Variants in SLCO2A1 observed in about 807,000 individuals in gnomAD.
SLCO2A1 encodes matrin F/G 1.
Under a neutral mutation model 71.7 loss-of-function variants are expected in SLCO2A1, and 60 were observed. The ratio of observed to expected loss-of-function variants is 0.84; its 90% CI spans 0.68 to 1.04. The LOEUF (loss-of-function observed/expected upper bound fraction) is 1.04, where lower values mean the gene tolerates loss of function less well. Ranked by LOEUF, SLCO2A1 falls within the 50% of genes least tolerant of loss-of-function variation. The pLI is 0.00. For missense variants in SLCO2A1, 745 were observed against 813.4 expected (o/e 0.92, Z 1.02); for synonymous variants, 308 against 326.7 (o/e 0.94, Z 0.62).
chr3:133,996,774 G>A (rs1482952773), intron 1 of SLCO2A1, among the ~76,000 whole-genome samples: 10 of 152,154 alleles, frequency 6.6e-5, no homozygotes, highest in Non-Finnish European at 1.5e-4. Context: ...TTGGCAGCCA[G>A]GATAAAGTGG....
chr3:133,951,059 C>G (rs1188178848), intron 6 of SLCO2A1, 149 bp downstream of exon 6: 1 of 1,032,542 alleles, frequency 9.7e-7, no homozygotes, highest in Non-Finnish European at 1.5e-6. Flanking sequence ...CCTCTTAAAG[C>G]CTCTGGGAAG....
At chr3:133,939,748 A>G (rs1933367173) in intron 11 of SLCO2A1, among the ~76,000 whole-genome samples, 1 of 152,146 alleles carries the variant, frequency 6.6e-6, no homozygotes, top group Non-Finnish European at 1.5e-5. Context: ...TAGATTCTCA[A>G]TGAAACGGGA....
intron 12 of SLCO2A1, 92 bp downstream of exon 12, chr3:133,938,336 TG>T: frequency 1.9e-6 from 2 of 1,059,968 alleles, no homozygotes; most frequent in Non-Finnish European, 2.9e-6. Flanking sequence ...GGAGATGAGA[TG>T]GTGCTTCCTC....
rs1454440006 is a variant in SLCO2A1, at chr3:133,953,690, A to G, written c.697T>C (p.Phe233Leu). The G allele has an allele frequency of 4.3e-5, 69 of 1,614,052 alleles. No individual in the cohort carries two copies. The highest frequency in any genetic ancestry group is 5.7e-5 in the Non-Finnish European group (67 of 1,180,032). ...GTGTTGACCCTGCCATAGTCCACAA[A>G]GATCTGCAGCATGACAGAGCCCAGC... ...YLLGSVMLQI[F>L]VDYGRVNTAA... Residue 233 changes from phenylalanine (F) to leucine (L), a missense_variant, in exon 5 of 14, where the codon TTT (phenylalanine) becomes CTT (leucine). Phe to Leu is a conservative substitution (Grantham distance 22). Coordinates refer to ENST00000310926, the MANE Select transcript of SLCO2A1 (RefSeq NM_005630.3).
At chr3:134,028,520 G>A (rs1466190035) in intron 1 of SLCO2A1, among the ~76,000 whole-genome samples, 1 of 152,198 alleles carries the variant, frequency 6.6e-6, no homozygotes, top group Admixed American at 6.5e-5. Flanking sequence ...GCAGAAGCAG[G>A]AGTGGAGATC....
At chr3:134,026,667 A>T (rs1431591715) in intron 1 of SLCO2A1, among the ~76,000 whole-genome samples, 2 of 152,192 alleles carry the variant, frequency 1.3e-5, no homozygotes, top group African/African-American at 4.8e-5. Context: ...ATCACTAATA[A>T]AACCGGCAGA....
intron 2 of SLCO2A1, among the ~76,000 whole-genome samples, chr3:133,979,112 T>C (rs933179812): frequency 1.3e-5 from 2 of 152,128 alleles, no homozygotes; most frequent in Non-Finnish European, 2.9e-5. Flanking sequence ...AGAACTAAAT[T>C]AGAAGCACAG....
chr3:133,945,075 T>C lies in SLCO2A1; in HGVS notation c.1461+20A>G. On this transcript the variant is annotated intron_variant, in intron 10 of 13. Transcript: ENST00000310926. The stretch of plus-strand genomic sequence containing the variant: ...GATCCTGTGGGGCTCCTCTTGCCTC[T>C]GGACCCTGGCTGCCCTTACCAGTTG... 1 of 1,603,522 alleles carries C rather than the reference T, an allele frequency of 6.2e-7. No individual in the cohort carries two copies. Among genetic ancestry groups the C allele is most frequent in the Non-Finnish European group, 8.5e-7 (1 of 1,175,602 alleles).
intron 3 of SLCO2A1, among the ~76,000 whole-genome samples, chr3:133,963,071 A>G (rs1934078864): frequency 6.6e-6 from 1 of 152,180 alleles, no homozygotes. Context: ...AATGTTAACT[A>G]GAAACAGGCC....
chr3:134,027,992 C>T (rs1451196534), intron 1 of SLCO2A1, among the ~76,000 whole-genome samples: 1 of 152,174 alleles, frequency 6.6e-6, no homozygotes, highest in Non-Finnish European at 1.5e-5. Flanking sequence ...TACTTAACTC[C>T]TTTAGGAGGC....
At chr3:133,977,482 A>G in intron 2 of SLCO2A1, among the ~76,000 whole-genome samples, 1 of 152,174 alleles carries the variant, frequency 6.6e-6, no homozygotes, top group South Asian at 2.1e-4. Flanking sequence ...CATAGGGTCA[A>G]CATGAATGAA....
At chr3:133,971,711 C>T (rs560016970) in intron 3 of SLCO2A1, among the ~76,000 whole-genome samples, 18 of 152,276 alleles carry the variant, frequency 1.2e-4, no homozygotes, top group African/African-American at 3.9e-4. Flanking sequence ...GCTCATTTAA[C>T]CTCAACTCCA....
chr3:133,943,775 T>C (rs1475429347), intron 10 of SLCO2A1, among the ~76,000 whole-genome samples: 1 of 152,230 alleles, frequency 6.6e-6, no homozygotes. Context: ...AAAGAGCATC[T>C]TGTCCAAGTT....
chr3:133,945,237 T>C lies in SLCO2A1; in HGVS notation c.1319A>G (p.Gln440Arg), dbSNP rs758851035. Residue 440 changes from glutamine to arginine, a missense_variant, in exon 10 of 14, where the codon CAG becomes CGG. Transcript: ENST00000310926. Reference sequence around the variant, plus strand: ...GCAGTCCCTGCGGCAGGCAGGAGACTGCGGATGTATAGAACTTGATGTGCT... The same window carrying C: ...GCAGTCCCTGCGGCAGGCAGGAGACCGCGGATGTATAGAACTTGATGTGCT... ...PPSTSSSIHP[Q>R]SPACRRDCSC... is the part of the protein sequence containing the mutation. The C allele has an allele frequency of 1.9e-6, 3 of 1,611,284 alleles. No homozygotes were observed. The highest frequency in any genetic ancestry group is 2.2e-5 in the South Asian group (2 of 90,578).
chr3:133,944,306 C>T (rs1303517704), intron 10 of SLCO2A1, among the ~76,000 whole-genome samples: 1 of 152,186 alleles, frequency 6.6e-6, no homozygotes, highest in East Asian at 1.9e-4. Flanking sequence ...AATGCACCCT[C>T]CATGAGAACA....
At chr3:134,028,191 G>A (rs137903520) in intron 1 of SLCO2A1, among the ~76,000 whole-genome samples, 51 of 152,194 alleles carry the variant, frequency 3.4e-4, no homozygotes, top group Non-Finnish European at 5.1e-4. Context: ...CTGGACACCC[G>A]TCCCTCCTGC....
At chr3:133,988,053 C>T (rs551276934) in intron 1 of SLCO2A1, among the ~76,000 whole-genome samples, 1 of 152,294 alleles carries the variant, frequency 6.6e-6, no homozygotes, top group Admixed American at 6.5e-5. Context: ...AAGTATTCCC[C>T]CTCACTGCCC....
At chr3:133,954,874 G>A (rs1398058210) in intron 4 of SLCO2A1, 92 bp downstream of exon 4, 5 of 1,006,916 alleles carry the variant, frequency 5.0e-6, no homozygotes, top group East Asian at 4.9e-5. Context: ...AAGCAAAGAG[G>A]GTGGGACCTC....
chr3:134,004,457 C>T (rs1935166190), intron 1 of SLCO2A1, among the ~76,000 whole-genome samples: 1 of 152,198 alleles, frequency 6.6e-6, no homozygotes, highest in Admixed American at 6.5e-5. Flanking sequence ...GCCTCAGCAT[C>T]CTGAGTAGCT....
Sources: allele counts gnomAD v4.1 joint callset (sites outside exome capture counted in the v4.1 genomes callset), GRCh38; gene constraint gnomAD v4.1.1; transcripts MANE v1.5; gene names NCBI Gene and HGNC (gene_info 2026-07-23, HGNC 2026-07-21).